CRYBG2: variants seen among roughly 807,000 people sequenced by gnomAD.
CRYBG2 encodes crystallin beta-gamma domain containing 2.
Under a neutral mutation model 153.4 loss-of-function variants are expected in CRYBG2, and 106 were observed. The ratio of observed to expected loss-of-function variants is 0.69; its 90% CI spans 0.59 to 0.81. CRYBG2 has a LOEUF of 0.81. CRYBG2 is among the 30% of genes least tolerant of loss of function. CRYBG2 has a pLI of 0.00. For synonymous variants in CRYBG2, 851 were observed against 877.8 expected, an observed-to-expected ratio of 0.97 and a Z score of 0.54; for missense variants, 1,996 against 2,112.0, an observed-to-expected ratio of 0.95 and a Z score of 1.08.
chr1:26,323,085 CTT>C (rs35042014), intron 18 of CRYBG2, among the ~76,000 whole-genome samples: 4 of 145,458 alleles, frequency 2.7e-5, no homozygotes, highest in Non-Finnish European at 3.0e-5. Context: ...TTCTATTCTC[CTT>C]TTTTTTTTTT....
chr1:26,336,267 G>C lies in CRYBG2; in HGVS notation c.4072-60C>G, dbSNP rs900372500. ...ACGATGGAGTGGGGCCGAGAACAGC[G>C]GGGAGGGGAAAGGTCCGAAATGAGG... is the stretch of plus-strand genomic sequence containing the variant. On this transcript the variant is annotated intron_variant, in intron 13 of 19. Transcript: ENST00000308182. The surrounding 1 kb of genome is among the most constrained non-coding windows in gnomAD (Gnocchi z 4.9). 27 of 1,599,648 alleles carry C rather than the reference G, an allele frequency of 1.7e-5. No homozygotes were observed. In the South Asian group the frequency reaches 1.9e-4, roughly 11 times the overall value.
rs748488728 is a variant in CRYBG2 at position 26,354,052 on chromosome 1, C to T, written c.-72G>A. The T allele has an allele frequency of 2.3e-5, 9 of 399,334 alleles. No individual in the cohort carries two copies. Among genetic ancestry groups the T allele is most frequent in the African/African-American group, 1.4e-4 (7 of 48,638 alleles). 24.7% of individuals were successfully genotyped at this position (399,334 alleles called of 1,614,324 possible). A position where few individuals can be genotyped will look rare whatever the true frequency, so the allele number is the denominator to read the frequency against. On this transcript the variant is annotated 5_prime_UTR_variant, in exon 1 of 20. Coordinates refer to ENST00000308182, the MANE Select transcript of CRYBG2 (RefSeq NM_001039775.4). ...CAGACCGACCTCTACTCACAGTCTGCGTGGGGACCCAGGTGTCCAGCCAGC... is the reference window on the plus strand; with the variant it reads ...CAGACCGACCTCTACTCACAGTCTGTGTGGGGACCCAGGTGTCCAGCCAGC...
At chr1:26,324,118 C>G in intron 18 of CRYBG2, 34 bp downstream of exon 18, 1 of 1,600,582 alleles carries the variant, frequency 6.2e-7, no homozygotes, top group Non-Finnish European at 8.5e-7. Flanking sequence ...TGCCTAGGGC[C>G]AGGGTGTCCC....
In CRYBG2 at chr1:26,328,877, G is replaced by T. The variant is rs2073965386; in HGVS notation, c.4315-4C>A. ...AAATGGAAGGCTCTGAAAAGTGCTG[G>T]GGCCCAGGAGACAGAAGAGGGTGAG... On this transcript the variant is annotated splice_polypyrimidine_tract_variant and splice_region_variant and intron_variant, in intron 15 of 19. Coordinates refer to ENST00000308182, the MANE Select transcript of CRYBG2 (RefSeq NM_001039775.4). 6.2e-7 allele frequency: 1 copy of T among 1,613,780 alleles called. No individual in the cohort carries two copies. Among genetic ancestry groups the T allele is most frequent in the South Asian group, 1.1e-5 (1 of 91,080 alleles).
rs2074066136 is a variant in CRYBG2, at chr1:26,336,869, T to G, written c.3883A>C (p.Thr1295Pro). ...CCGCTGAGCACGTGGATGGCCTGTG[T>G]GCTGGGGCCGTGTTGCACCAGCTCC... is the stretch of plus-strand genomic sequence containing the variant. ...DVELVQHGPS[T>P]QAIHVLSGVW... Residue 1295 changes from threonine (T) to proline (P), a missense_variant, in exon 11 of 20, where the codon ACA becomes CCA. By Grantham distance (38) the Thr-to-Pro change is conservative. Coordinates refer to ENST00000308182, the MANE Select transcript of CRYBG2 (RefSeq NM_001039775.4). This position sits in a 1 kb window ranked among gnomAD's most constrained non-coding sequence, Gnocchi z 4.9. 1 of 1,606,084 alleles carries G rather than the reference T, an allele frequency of 6.2e-7. No individual in the cohort carries two copies. Among genetic ancestry groups the G allele is most frequent in the Non-Finnish European group, 8.5e-7 (1 of 1,176,878 alleles).
At chr1:26,339,267 A>T in intron 6 of CRYBG2, 23 bp downstream of exon 6, 1 of 1,603,564 alleles carries the variant, frequency 6.2e-7, no homozygotes, top group South Asian at 1.1e-5. Flanking sequence ...AAATGAGGGG[A>T]TTCTAGAATA....
intron 17 of CRYBG2, 143 bp from the exon 18 acceptor site, chr1:26,324,453 T>A: frequency 1.2e-6 from 1 of 844,660 alleles, no homozygotes; most frequent in Non-Finnish European, 1.8e-6. Flanking sequence ...TATTTCTAAG[T>A]CACTGCTTCT....
rs558884185 is a variant in CRYBG2 at position 26,336,287 on chromosome 1, AT to A, written c.4071+50del. ...ACAGCGGGGAGGGGAAAGGTCCGAA[AT>A]GAGGGGAGAGACGTGAGCCCAGCGG... On this transcript the variant is annotated intron_variant, in intron 13 of 19. Transcript: ENST00000308182. This position sits in a 1 kb window ranked among gnomAD's most constrained non-coding sequence, Gnocchi z 4.9. 2.6e-4 allele frequency: 416 copies of A among 1,609,948 alleles called. 1 individual carries two copies. The African/African-American group carries it at 4.3e-3, about 17-fold the overall frequency.
At chr1:26,339,881 T>G (rs2074109837) in intron 5 of CRYBG2, among the ~76,000 whole-genome samples, 1 of 152,154 alleles carries the variant, frequency 6.6e-6, no homozygotes, top group South Asian at 2.1e-4. Flanking sequence ...GGAAAGTGAC[T>G]AGGGTGGTCT....
intron 18 of CRYBG2, among the ~76,000 whole-genome samples, chr1:26,323,549 A>G (rs2073885469): frequency 6.6e-6 from 1 of 152,242 alleles, no homozygotes; most frequent in Non-Finnish European, 1.5e-5. Flanking sequence ...CCCAGCATCT[A>G]GAACAGAGCC....
chr1:26,344,956 C>T lies in CRYBG2; in HGVS notation c.1702G>A (p.Gly568Arg). ...GACAAGGCAGCAGGAGCACCAGACC[C>T]CTGCACCACCTCCTTCTGGGTGGGG... Reference protein sequence around the residue: ...SSPTQKEVVQGSGAPAALSTT... With the variant: ...SSPTQKEVVQRSGAPAALSTT... The change falls in exon 2 of 20, where the codon GGG becomes AGG. Residue 568 changes from glycine to arginine, a missense_variant. Physicochemically the swap from Gly to Arg is moderately radical, Grantham distance 125. Coordinates refer to ENST00000308182, the MANE Select transcript of CRYBG2 (RefSeq NM_001039775.4). 1.3e-6 allele frequency: 2 copies of T among 1,535,116 alleles called. No homozygotes were observed. Among genetic ancestry groups the T allele is most frequent in the Non-Finnish European group, 1.7e-6 (2 of 1,147,110 alleles).
Position 26,328,200 on chromosome 1 carries a change from G to A in CRYBG2, c.4578+9C>T, listed in dbSNP as rs761867445. 25 of 1,561,102 alleles carry A rather than the reference G, an allele frequency of 1.6e-5. No individual in the cohort carries two copies. Among genetic ancestry groups the A allele is most frequent in the East Asian group, 2.4e-5 (1 of 41,500 alleles). On this transcript the variant is annotated intron_variant, in intron 17 of 19. Transcript: ENST00000308182. The stretch of plus-strand genomic sequence containing the variant: ...CCCAGACACGCTCAGCTCCAGCCAC[G>A]CTACCCACCTGCTTGATGGGGTAGA...
Position 26,345,442 on chromosome 1 carries a change from G to T in CRYBG2, c.1216C>A (p.Pro406Thr), listed in dbSNP as rs1221341390. 2 of 1,603,914 alleles carry T rather than the reference G, an allele frequency of 1.2e-6. No individual in the cohort carries two copies. The highest frequency in any genetic ancestry group is 1.3e-5 in the African/African-American group (1 of 74,754). ...GTCACATGCTCGCTCCTCACCATGG[G>T]CAGGACGGTGGCAGCAGGGGGGTCC... ...PVDPPAATVL[P>T]MVRSEHVTVP... Residue 406 changes from proline (P) to threonine (T), a missense_variant, in exon 2 of 20, where the codon CCC (proline) becomes ACC (threonine). Physicochemically the swap from Pro to Thr is conservative, Grantham distance 38 (BLOSUM62 -1). Transcript: ENST00000308182.
At position 26,336,684 on chromosome 1, in the gene CRYBG2, C is replaced by T; in HGVS notation, c.3960G>A (p.Leu1320=). The change falls in exon 12 of 20, where the codon CTG becomes CTA. Residue 1320 remains leucine, a synonymous_variant. Transcript: ENST00000308182. The surrounding 1 kb of genome is among the most constrained non-coding windows in gnomAD (Gnocchi z 4.9). ...CGCAGTTACGATACACGCCCTTCTC[C>T]AGCACGTACTGTTCCCCGGAGAAGC... ...EVGFSGEQYV[L]EKGVYRNCED... 6.4e-7 allele frequency: 1 copy of T among 1,565,394 alleles called. No homozygotes were observed. The highest frequency in any genetic ancestry group is 1.2e-5 in the South Asian group (1 of 85,398).
At chr1:26,329,141 A>G (rs2073968231) in intron 15 of CRYBG2, among the ~76,000 whole-genome samples, 1 of 145,858 alleles carries the variant, frequency 6.9e-6, no homozygotes, top group Non-Finnish European at 1.5e-5. Context: ...TGGCACTCTG[A>G]GCCAGGATGG....
intron 18 of CRYBG2, 110 bp from the exon 19 acceptor site, chr1:26,322,433 C>T (rs1247582951): frequency 2.3e-6 from 3 of 1,278,280 alleles, no homozygotes; most frequent in Admixed American, 2.8e-5. Flanking sequence ...GGACTGTGGC[C>T]CTGGGCAAGT....
At position 26,345,429 on chromosome 1, in the gene CRYBG2, C is replaced by A. The variant is rs77912442; in HGVS notation, c.1229G>T (p.Ser410Ile). Residue 410 changes from serine to isoleucine, a missense_variant, in exon 2 of 20, where the codon AGC becomes ATC. Coordinates refer to ENST00000308182, the MANE Select transcript of CRYBG2 (RefSeq NM_001039775.4). ...TTGTCCAGGGACTGTCACATGCTCG[C>A]TCCTCACCATGGGCAGGACGGTGGC... ...PAATVLPMVRSEHVTVPGQPP... is the reference protein window; with the variant it reads ...PAATVLPMVRIEHVTVPGQPP... 3 of 1,608,106 alleles carry A rather than the reference C, an allele frequency of 1.9e-6. No individual in the cohort carries two copies. Among genetic ancestry groups the A allele is most frequent in the African/African-American group, 2.7e-5 (2 of 74,834 alleles).
intron 17 of CRYBG2, among the ~76,000 whole-genome samples, chr1:26,327,804 G>A (rs1447307168): frequency 6.6e-6 from 1 of 151,950 alleles, no homozygotes; most frequent in African/African-American, 2.4e-5. Context: ...AAAATTAGCT[G>A]AGCGTGGTAG....
chr1:26,350,820 G>C (rs1161529332), intron 1 of CRYBG2, among the ~76,000 whole-genome samples: 1 of 152,026 alleles, frequency 6.6e-6, no homozygotes, highest in Non-Finnish European at 1.5e-5. Flanking sequence ...TCTCCATGAG[G>C]TACCCTCCCC....
Sources: allele counts gnomAD v4.1 joint callset (sites outside exome capture counted in the v4.1 genomes callset), GRCh38; gene constraint gnomAD v4.1.1; non-coding constraint Gnocchi (gnomAD v3.1); transcripts MANE v1.5; gene names NCBI Gene and HGNC (gene_info 2026-07-23, HGNC 2026-07-21).